Variants in CDC42BPA observed in about 807,000 individuals in gnomAD.
The protein encoded by CDC42BPA is CDC42 binding protein kinase alpha.
A neutral mutation model predicts 223.5 loss-of-function variants in CDC42BPA; 80 were observed. That is an observed-to-expected ratio of 0.36 (90% CI 0.30 to 0.43). The LOEUF is 0.43. CDC42BPA is among the 20% of genes least tolerant of loss of function. The probability of loss-of-function intolerance (pLI) is 1.00; values close to 1 mark genes in which losing one functional copy is unlikely to be tolerated. For synonymous variants in CDC42BPA, 694 were observed against 718.6 expected, an observed-to-expected ratio of 0.97 and a Z score of 0.55; for missense variants, 1,743 against 2,099.9, an observed-to-expected ratio of 0.83 and a Z score of 3.32.
At chr1:227,182,700 G>C (rs1668135125) in intron 5 of CDC42BPA, among the ~76,000 whole-genome samples, 1 of 152,146 alleles carries the variant, frequency 6.6e-6, no homozygotes, top group Non-Finnish European at 1.5e-5. Flanking sequence ...TGCCTAATTG[G>C]CTGGTAAAGT....
At chr1:227,010,921 G>A in intron 34 of CDC42BPA, 7 of 1,365,356 alleles carry the variant, frequency 5.1e-6, no homozygotes, top group Non-Finnish European at 6.9e-6. Context: ...AGAGCGCAGA[G>A]ACGGGGAATA....
chr1:227,279,356 G>A (rs1256536411), intron 1 of CDC42BPA, among the ~76,000 whole-genome samples: 1 of 152,024 alleles, frequency 6.6e-6, no homozygotes, highest in Non-Finnish European at 1.5e-5. Flanking sequence ...TGGAGGTACT[G>A]CTTTCATAAA....
chr1:227,310,871 T>C (rs936346737), intron 1 of CDC42BPA, among the ~76,000 whole-genome samples: 7 of 151,540 alleles, frequency 4.6e-5, no homozygotes, highest in African/African-American at 1.7e-4. Context: ...TTTTGAATTT[T>C]TAGTAGAGAC....
intron 14 of CDC42BPA, among the ~76,000 whole-genome samples, chr1:227,106,447 T>A (rs769875526): frequency 6.6e-6 from 1 of 152,192 alleles, no homozygotes; most frequent in Non-Finnish European, 1.5e-5. Context: ...TTAATTTTGA[T>A]AAAGCCCAAT....
intron 16 of CDC42BPA, among the ~76,000 whole-genome samples, chr1:227,085,810 T>C (rs61834043): frequency 5.8e-4 from 89 of 152,356 alleles, no homozygotes; most frequent in Admixed American, 2.8e-3. Context: ...AAATATAGTT[T>C]ACCAGTTTTT....
In CDC42BPA at chr1:227,005,070, T is replaced by G; in HGVS notation, c.4899A>C (p.Ser1633=). The G allele has an allele frequency of 1.9e-6, 3 of 1,614,200 alleles. No individual in the cohort carries two copies. The highest frequency in any genetic ancestry group is 1.6e-4 in the Middle Eastern group (1 of 6,062). The change falls in exon 35 of 37, where the codon TCA becomes TCC. Residue 1633 remains serine (S), a synonymous_variant. Coordinates refer to ENST00000366766, the MANE Select transcript of CDC42BPA (RefSeq NM_001394014.1). ...ATTTGGTGATAGATGGAATACTGACTGAGCCACTGAATACTGTCCGACTTT... is the reference window on the plus strand; with the variant it reads ...ATTTGGTGATAGATGGAATACTGACGGAGCCACTGAATACTGTCCGACTTT... The part of the protein sequence containing the change: ...PQESRTVFSG[S]VSIPSITKSR...
intron 29 of CDC42BPA, 133 bp from the exon 30 acceptor site, chr1:227,029,383 A>G: frequency 4.8e-6 from 3 of 629,606 alleles, no homozygotes; most frequent in Non-Finnish European, 8.1e-6. Context: ...CACAGGAAAA[A>G]AAGATTATCC....
At chr1:227,144,688 T>C (rs116304540) in intron 8 of CDC42BPA, among the ~76,000 whole-genome samples, 1,641 of 151,656 alleles carry the variant, frequency 0.011, 35 homozygotes, top group African/African-American at 0.037. Context: ...TAAAGGGTTA[T>C]AGCAGAGGTC....
chr1:227,145,676 C>T lies in CDC42BPA; in HGVS notation c.956G>A (p.Arg319Gln), dbSNP rs772380478. 7.4e-6 allele frequency: 12 copies of T among 1,613,484 alleles called. No individual in the cohort carries two copies. The highest frequency in any genetic ancestry group is 1.6e-4 in the Middle Eastern group (1 of 6,080). Residue 319 changes from arginine to glutamine, a missense_variant, in exon 8 of 37, where the codon CGA (arginine) becomes CAA (glutamine). Arg to Gln is a conservative substitution (Grantham distance 43). Transcript: ENST00000366766. ...DVSENAKDLI[R>Q]RLICSREHRL... ...ATGTTCTCTGCTACAAATGAGCCTT[C>T]GAATAAGATCCTTAGCATTTTCAGA...
intron 5 of CDC42BPA, chr1:227,193,547 G>C (rs955668930): frequency 4.8e-6 from 2 of 413,132 alleles, no homozygotes; most frequent in Non-Finnish European, 4.3e-6. Context: ...TATTCTAGGA[G>C]TGACAACTTT....
Position 227,028,774 on chromosome 1 carries a change from C to T in CDC42BPA, c.4315G>A (p.Glu1439Lys), listed in dbSNP as rs1174027088. 3 of 1,614,050 alleles carry T rather than the reference C, an allele frequency of 1.9e-6. No individual in the cohort carries two copies. Among genetic ancestry groups the T allele is most frequent in the Middle Eastern group, 1.6e-4 (1 of 6,062 alleles). The change falls in exon 30 of 37, where the codon GAG becomes AAG. Residue 1439 changes from glutamate (E) to lysine (K), a missense_variant. By Grantham distance (56) the Glu-to-Lys change is moderately conservative (BLOSUM62 1). Transcript: ENST00000366766. ...AGCAGATATTCTTTACTGGAGATCT[C>T]AACTGCGCAGATAGCATCCATTGGT... The part of the protein sequence containing the change: ...HQPMDAICAV[E>K]ISSKEYLLCF...
intron 8 of CDC42BPA, among the ~76,000 whole-genome samples, chr1:227,145,164 T>A (rs1348850264): frequency 6.6e-6 from 1 of 152,230 alleles, no homozygotes; most frequent in Admixed American, 6.5e-5. Context: ...GGGAGAAATT[T>A]GCCAACCTCT....
chr1:227,266,169 C>G (rs1057132684), intron 1 of CDC42BPA, among the ~76,000 whole-genome samples: 2 of 152,124 alleles, frequency 1.3e-5, no homozygotes, highest in Non-Finnish European at 2.9e-5. Context: ...TGGTATAAGC[C>G]CTTTCCCCTT....
chr1:227,165,466 A>G (rs1229801062), intron 5 of CDC42BPA, among the ~76,000 whole-genome samples: 1 of 151,562 alleles, frequency 6.6e-6, no homozygotes, highest in Non-Finnish European at 1.5e-5. Flanking sequence ...AGTACTGACA[A>G]ACAACTGAAA....
chr1:227,139,117 T>A (rs1659202874), intron 10 of CDC42BPA, among the ~76,000 whole-genome samples: 1 of 152,190 alleles, frequency 6.6e-6, no homozygotes, highest in African/African-American at 2.4e-5. Flanking sequence ...AAACAATCAC[T>A]GAAGGTGAAG....
chr1:227,289,239 T>C (rs1689299632), intron 1 of CDC42BPA, among the ~76,000 whole-genome samples: 1 of 152,142 alleles, frequency 6.6e-6, no homozygotes. Flanking sequence ...GAGGAAAATA[T>C]AAACTCCTTT....
chr1:227,276,946 G>C (rs1162296672), intron 1 of CDC42BPA, among the ~76,000 whole-genome samples: 5 of 151,966 alleles, frequency 3.3e-5, no homozygotes, highest in Admixed American at 6.6e-5. Flanking sequence ...GCGGAAGGCC[G>C]CAGGGTCCTC....
intron 1 of CDC42BPA, among the ~76,000 whole-genome samples, chr1:227,254,782 A>C (rs2148292568): frequency 6.6e-6 from 1 of 152,234 alleles, no homozygotes; most frequent in East Asian, 1.9e-4. Flanking sequence ...ATTAGTGAGA[A>C]TAGAACACTA....
chr1:227,157,125 AT>A (rs1246869026), intron 6 of CDC42BPA, among the ~76,000 whole-genome samples: 2 of 152,188 alleles, frequency 1.3e-5, no homozygotes, highest in Non-Finnish European at 2.9e-5. Context: ...ATATTACATT[AT>A]TTTTGCTTTT....
Sources: allele counts gnomAD v4.1 joint callset (sites outside exome capture counted in the v4.1 genomes callset), GRCh38; gene constraint gnomAD v4.1.1; transcripts MANE v1.5; gene names NCBI Gene and HGNC (gene_info 2026-07-23, HGNC 2026-07-21).